The following KNDC1 variants were observed in gnomAD, a reference collection of about 807,000 sequenced individuals.
The protein encoded by KNDC1 is kinase non-catalytic C-lobe domain-containing protein 1.
In KNDC1, 106 loss-of-function variants were observed where a neutral mutation model predicts 172.8. The ratio of observed to expected loss-of-function variants is 0.61; its 90% CI spans 0.52 to 0.72. KNDC1 has a LOEUF of 0.72. Among genes scored for constraint, KNDC1 ranks in the 30% least tolerant of loss-of-function variants. The pLI is 0.00. For synonymous variants in KNDC1, 1,083 were observed against 1,062.2 expected (o/e 1.02, Z -0.38); for missense variants, 2,325 against 2,394.5 (o/e 0.97, Z 0.61).
intron 17 of KNDC1, among the ~76,000 whole-genome samples, chr10:133,204,765 C>T (rs925880973): frequency 3.3e-5 from 5 of 152,132 alleles, no homozygotes; most frequent in Admixed American, 1.3e-4. Context: ...CTGAGCCAAC[C>T]GCACTTCACA....
chr10:133,200,590 C>T (rs953505464), intron 16 of KNDC1, 130 bp downstream of exon 16: 5 of 663,290 alleles, frequency 7.5e-6, no homozygotes, highest in South Asian at 3.7e-5. Context: ...GCCTTTGCCC[C>T]GGGGGTGCCC....
chr10:133,220,031 ACCT>A lies in KNDC1; in HGVS notation c.4941_4943del (p.Leu1648del). ...GCGCAGCCCACCCTGCCCTCGGCCC[ACCT>A]CCTGGCCATGCACATCCAGCAGCTG... On this transcript the variant is annotated inframe_deletion, in exon 29 of 30. Coordinates refer to ENST00000304613, the MANE Select transcript of KNDC1 (RefSeq NM_152643.8). 3 of 1,556,622 alleles carry A rather than the reference ACCT, an allele frequency of 1.9e-6. No homozygotes were observed. Among genetic ancestry groups the A allele is most frequent in the Admixed American group, 1.9e-5 (1 of 51,582 alleles).
chr10:133,173,118 C>T (rs193278982), intron 3 of KNDC1, among the ~76,000 whole-genome samples: 4,326 of 152,314 alleles, frequency 0.028, 57 homozygotes, highest in Middle Eastern at 0.034. Context: ...CCTCTTCAGG[C>T]GCTGCATTAG....
At chr10:133,174,007 C>T (rs1853452993) in intron 3 of KNDC1, 1 of 152,328 alleles carries the variant, frequency 6.6e-6, no homozygotes, top group Non-Finnish European at 1.5e-5. Flanking sequence ...GCCTGGAAGA[C>T]TCCGACCCCT....
At chr10:133,175,938 A>T (rs1248522527) in intron 3 of KNDC1, among the ~76,000 whole-genome samples, 1 of 134,256 alleles carries the variant, frequency 7.4e-6, no homozygotes, top group East Asian at 2.6e-4. Flanking sequence ...GCATGGATGG[A>T]TGGGTGGGTG....
chr10:133,211,984 C>A, intron 23 of KNDC1, 126 bp downstream of exon 23: 1 of 841,218 alleles, frequency 1.2e-6, no homozygotes, highest in Non-Finnish European at 1.8e-6. Context: ...CAGCTGTATA[C>A]ATGCATACAC....
At chr10:133,194,665 G>C (rs1854142263) in intron 9 of KNDC1, among the ~76,000 whole-genome samples, 1 of 152,142 alleles carries the variant, frequency 6.6e-6, no homozygotes, top group Non-Finnish European at 1.5e-5. Flanking sequence ...CTCTGTAAAG[G>C]GGAGCTGCCT....
Position 133,198,778 on chromosome 10 carries a change from G to A in KNDC1, c.2270G>A (p.Gly757Asp), listed in dbSNP as rs2135996552. ...GASVQRDSAQ[G>D]RPCPPPQAPA... ...TCAGTGCAGCGTGACTCAGCCCAGG[G>A]CCGCCCCTGCCCTCCACCCCAGGCC... The change falls in exon 14 of 30, where the codon GGC (glycine) becomes GAC (aspartate). Residue 757 changes from glycine (G) to aspartate (D), a missense_variant. Coordinates refer to ENST00000304613, the MANE Select transcript of KNDC1 (RefSeq NM_152643.8). 1 of 1,586,288 alleles carries A rather than the reference G, an allele frequency of 6.3e-7. No individual in the cohort carries two copies. Among genetic ancestry groups the A allele is most frequent in the Non-Finnish European group, 8.6e-7 (1 of 1,166,642 alleles).
At position 133,201,736 on chromosome 10, in the gene KNDC1, C is replaced by T. The variant is rs537024675; in HGVS notation, c.3225C>T (p.Val1075=). The change falls in exon 17 of 30, where the codon GTC becomes GTT. Residue 1075 remains valine (V), a synonymous_variant. Coordinates refer to ENST00000304613, the MANE Select transcript of KNDC1 (RefSeq NM_152643.8). ...AVTRLARSKG[V]GPALSPGPAG... ...CCCGACTGGCCAGGTCCAAAGGGGTCGGCCCAGCCTTGTCCCCCGGCCCAG... is the reference window on the plus strand; with the variant it reads ...CCCGACTGGCCAGGTCCAAAGGGGTTGGCCCAGCCTTGTCCCCCGGCCCAG... 1.6e-4 allele frequency: 253 copies of T among 1,597,094 alleles called. 5 individuals carry two copies. In the South Asian group the frequency reaches 2.7e-3, roughly 17 times the overall value.
intron 12 of KNDC1, among the ~76,000 whole-genome samples, chr10:133,198,098 A>G (rs1236359277): frequency 6.6e-6 from 1 of 151,866 alleles, no homozygotes; most frequent in African/African-American, 2.4e-5. Flanking sequence ...GGCCCCTCCA[A>G]GGCTTCTGGT....
At chr10:133,207,904 A>C (rs1374911504) in intron 20 of KNDC1, among the ~76,000 whole-genome samples, 1 of 152,082 alleles carries the variant, frequency 6.6e-6, no homozygotes, top group African/African-American at 2.4e-5. Flanking sequence ...CGGCCGCCCC[A>C]CCAGCCCCCT....
Position 133,197,121 on chromosome 10 carries a change from G to T in KNDC1, c.1798G>T (p.Ala600Ser), listed in dbSNP as rs1854214164. The T allele has an allele frequency of 4.3e-6, 7 of 1,612,918 alleles. No homozygotes were observed. Among genetic ancestry groups the T allele is most frequent in the Non-Finnish European group, 5.9e-6 (7 of 1,179,782 alleles). Residue 600 changes from alanine (A) to serine (S), a missense_variant, in exon 11 of 30, where the codon GCT (alanine) becomes TCT (serine). Transcript: ENST00000304613. Reference protein sequence around the residue: ...DSRKILAHLRASICQVYQEEE... With the variant: ...DSRKILAHLRSSICQVYQEEE... ...CCGGAAAATCCTTGCCCACCTCAGA[G>T]CTTCCATCTGCCAGGTGGGCTAGAA...
intron 23 of KNDC1, 71 bp from the exon 24 acceptor site, chr10:133,212,645 C>A: frequency 7.2e-7 from 1 of 1,384,812 alleles, no homozygotes; most frequent in East Asian, 2.4e-5. Flanking sequence ...CCCCCCAACC[C>A]TGCCTCCCTG....
chr10:133,163,256 G>A lies in KNDC1; in HGVS notation c.102+2687G>A, dbSNP rs1033583210. On this transcript the variant is annotated intron_variant, in intron 1 of 29. Transcript: ENST00000304613. The surrounding 1 kb of genome is among the most constrained non-coding windows in gnomAD (Gnocchi z 4.4). ...TGGGTGCCAGAGCAGGACGTGTCCCGGGTCCCTGAGAGGCAGGCAGCACTA... is the reference window on the plus strand; with the variant it reads ...TGGGTGCCAGAGCAGGACGTGTCCCAGGTCCCTGAGAGGCAGGCAGCACTA... 6.6e-5 allele frequency among the ~76,000 whole-genome samples: 10 copies of A among 152,140 alleles called. No individual in the cohort carries two copies. The highest frequency in any genetic ancestry group is 1.9e-4 in the African/African-American group (8 of 41,414).
chr10:133,160,247 G>C lies in KNDC1; in HGVS notation c.-221G>C, dbSNP rs1449289817. Among the ~76,000 whole-genome samples, 38 of 148,650 alleles carry C rather than the reference G, an allele frequency of 2.6e-4. No homozygotes were observed. In the East Asian group the frequency reaches 7.2e-3, roughly 28 times the overall value. ...AAGGAGCGACGTTCCCTAGGCGCCG[G>C]GTCCGGACAGCGCCGCGCAGCCCCC... is the stretch of plus-strand genomic sequence containing the variant. On this transcript the variant is annotated 5_prime_UTR_variant, in exon 1 of 30. Transcript: ENST00000304613.
In KNDC1 at chr10:133,211,826, A is replaced by G. The variant is rs926286906; in HGVS notation, c.4204A>G (p.Lys1402Glu). The change falls in exon 23 of 30, where the codon AAG becomes GAG. Residue 1402 changes from lysine (K) to glutamate (E), a missense_variant. Physicochemically the swap from Lys to Glu is moderately conservative, Grantham distance 56 (BLOSUM62 1). Transcript: ENST00000304613. ...EDARPFNALC[K>E]RLSEDGISRK... ...TGCCAGACCCTTCAACGCCCTCTGT[A>G]AGAGGCTCTCAGAGGACGGCATCTC... The G allele has an allele frequency of 6.2e-6, 10 of 1,609,620 alleles. No individual in the cohort carries two copies. In the African/African-American group the frequency reaches 8.0e-5, roughly 13 times the overall value.
intron 28 of KNDC1, among the ~76,000 whole-genome samples, chr10:133,219,654 C>T (rs1845541030): frequency 1.3e-5 from 2 of 152,186 alleles, no homozygotes; most frequent in Admixed American, 6.5e-5. Context: ...AGCTGGGTTA[C>T]CTGGCACTTC....
intron 29 of KNDC1, among the ~76,000 whole-genome samples, chr10:133,222,844 CGTGT>C (rs57651544): frequency 1.7e-3 from 1 of 582 alleles, no homozygotes; most frequent in African/African-American, 3.4e-3. Context: ...CTCTTCCCGG[CGTGT>C]GTGTGTGTGT....
chr10:133,199,700 C>A, intron 15 of KNDC1, 98 bp downstream of exon 15: 3 of 1,383,600 alleles, frequency 2.2e-6, no homozygotes, highest in South Asian at 1.3e-5. Flanking sequence ...CCCTCCCAAC[C>A]CTCCGCTTCC....
Sources: allele counts gnomAD v4.1 joint callset (sites outside exome capture counted in the v4.1 genomes callset), GRCh38; gene constraint gnomAD v4.1.1; non-coding constraint Gnocchi (gnomAD v3.1); transcripts MANE v1.5; gene names NCBI Gene and HGNC (gene_info 2026-07-23, HGNC 2026-07-21).